COL21A1: variants seen among roughly 807,000 people sequenced by gnomAD.
The protein encoded by COL21A1 is collagen type XXI alpha 1 chain, also known as collagen alpha-1(XXI) chain.
A neutral mutation model predicts 137.9 loss-of-function variants in COL21A1; 149 were observed. That is an observed-to-expected ratio of 1.08 (90% CI 0.95 to 1.24). COL21A1 has a LOEUF of 1.24. Ranked by LOEUF, COL21A1 falls within the 50% of genes most tolerant of loss-of-function variation. COL21A1 has a pLI of 0.00. For missense variants in COL21A1, 1,167 were observed against 1,158.4 expected (o/e 1.01, Z -0.11); for synonymous variants, 456 against 391.5 (o/e 1.16, Z -1.95).
At chr6:56,258,550 G>A (rs1029073707) in intron 1 of COL21A1, among the ~76,000 whole-genome samples, 6 of 152,112 alleles carry the variant, frequency 3.9e-5, no homozygotes, top group Non-Finnish European at 8.8e-5. Flanking sequence ...ACAAGATAAA[G>A]ATGCTGTCTG....
At chr6:56,149,015 A>G (rs73745591) in intron 10 of COL21A1, among the ~76,000 whole-genome samples, 2,608 of 152,308 alleles carry the variant, frequency 0.017, 70 homozygotes, top group African/African-American at 0.06. Flanking sequence ...CTATGCCAAA[A>G]AATTGCATCA....
chr6:56,216,217 C>T (rs867004162), intron 1 of COL21A1, among the ~76,000 whole-genome samples: 26 of 152,184 alleles, frequency 1.7e-4, no homozygotes, highest in Middle Eastern at 6.8e-3. Context: ...TTGTCCACTG[C>T]GATATGGGAC....
chr6:56,238,787 A>G (rs1582711388), intron 1 of COL21A1, among the ~76,000 whole-genome samples: 1 of 152,296 alleles, frequency 6.6e-6, no homozygotes, highest in East Asian at 1.9e-4. Flanking sequence ...ATTCTCACCT[A>G]AAGAAGCAAC....
intron 9 of COL21A1, among the ~76,000 whole-genome samples, chr6:56,157,817 C>T (rs1775871618): frequency 6.6e-6 from 1 of 152,204 alleles, no homozygotes; most frequent in Non-Finnish European, 1.5e-5. Context: ...CATAATATTA[C>T]TATGAGAGCA....
intron 1 of COL21A1, among the ~76,000 whole-genome samples, chr6:56,215,200 C>T (rs898824559): frequency 1.3e-5 from 2 of 152,020 alleles, no homozygotes; most frequent in African/African-American, 2.4e-5. Flanking sequence ...CATTTGATTC[C>T]GTCCATTTTC....
intron 1 of COL21A1, among the ~76,000 whole-genome samples, chr6:56,212,218 T>C (rs1780215276): frequency 6.6e-6 from 1 of 152,090 alleles, no homozygotes; most frequent in Non-Finnish European, 1.5e-5. Flanking sequence ...TACTCTCTAA[T>C]TAGGTTCATT....
intron 26 of COL21A1, 32 bp from the exon 27 acceptor site, chr6:56,060,827 A>G: frequency 6.3e-7 from 1 of 1,587,670 alleles, no homozygotes; most frequent in Non-Finnish European, 8.5e-7. Flanking sequence ...TATAACATGC[A>G]CATAAAGAAC....
At chr6:56,076,891 A>T (rs1767288684) in intron 18 of COL21A1, among the ~76,000 whole-genome samples, 1 of 151,514 alleles carries the variant, frequency 6.6e-6, no homozygotes, top group Admixed American at 6.6e-5. Flanking sequence ...AATTCCCAGC[A>T]AGATGAATAA....
chr6:56,117,965 A>G (rs891784656), intron 16 of COL21A1, among the ~76,000 whole-genome samples: 2 of 151,896 alleles, frequency 1.3e-5, no homozygotes, highest in African/African-American at 4.8e-5. Context: ...AGCTCTAAGT[A>G]TCTACATCAA....
intron 1 of COL21A1, among the ~76,000 whole-genome samples, chr6:56,183,647 T>C (rs1454378483): frequency 2.0e-5 from 3 of 152,144 alleles, no homozygotes; most frequent in African/African-American, 4.8e-5. Context: ...TCCTCAAATA[T>C]AAAACAGTGG....
At chr6:56,318,079 A>T (rs1405698537) in intron 1 of COL21A1, among the ~76,000 whole-genome samples, 1 of 152,238 alleles carries the variant, frequency 6.6e-6, no homozygotes, top group Non-Finnish European at 1.5e-5. Flanking sequence ...ATTGTACATT[A>T]TAATGACCAC....
At chr6:56,060,409 G>C (rs1174801976) in intron 27 of COL21A1, 191 bp from the exon 28 acceptor site, 1 of 552,042 alleles carries the variant, frequency 1.8e-6, no homozygotes, top group East Asian at 3.4e-5. Flanking sequence ...AATTTTATTA[G>C]AGCAATTGCT....
chr6:56,142,953 C>T (rs1774530421), intron 10 of COL21A1, among the ~76,000 whole-genome samples: 1 of 152,104 alleles, frequency 6.6e-6, no homozygotes, highest in African/African-American at 2.4e-5. Context: ...CTGCACTGGT[C>T]TTCATATTCA....
intron 1 of COL21A1, among the ~76,000 whole-genome samples, chr6:56,309,592 A>AG (rs1224648497): frequency 6.6e-6 from 1 of 152,088 alleles, no homozygotes; most frequent in South Asian, 2.1e-4. Flanking sequence ...AGGTACTCCC[A>AG]GGGGGGCAGT....
intron 1 of COL21A1, among the ~76,000 whole-genome samples, chr6:56,380,134 C>CGA (rs2094006427): frequency 6.6e-6 from 1 of 152,124 alleles, no homozygotes; most frequent in African/African-American, 2.4e-5. Flanking sequence ...CTAGTTTACA[C>CGA]GAGAGCTGGT....
intron 1 of COL21A1, among the ~76,000 whole-genome samples, chr6:56,290,498 G>GTTGTTTTT (rs371058894): frequency 3.0e-5 from 4 of 132,960 alleles, no homozygotes; most frequent in Non-Finnish European, 6.2e-5. Context: ...TCACTTAGGA[G>GTTGTTTTT]ATTTTTTTTT....
At chr6:56,244,085 G>T (rs1327072673) in intron 1 of COL21A1, among the ~76,000 whole-genome samples, 1 of 152,042 alleles carries the variant, frequency 6.6e-6, no homozygotes, top group Non-Finnish European at 1.5e-5. Context: ...ATCCACTATG[G>T]AACAAAGAGG....
At position 56,069,127 on chromosome 6, in the gene COL21A1, A is replaced by C; in HGVS notation, c.2020-10T>G. On this transcript the variant is annotated splice_polypyrimidine_tract_variant and intron_variant, in intron 21 of 29. Transcript: ENST00000244728. The stretch of plus-strand genomic sequence containing the variant: ...TTGCTCCTGGTTCTCCCTATGTAAC[A>C]CAGAAATTCCAGAAAGATCACAGAT... 7 of 1,583,354 alleles carry C rather than the reference A, an allele frequency of 4.4e-6. No homozygotes were observed. Among genetic ancestry groups the C allele is most frequent in the Non-Finnish European group, 6.0e-6 (7 of 1,162,654 alleles).
At chr6:56,212,434 T>C (rs1014034160) in intron 1 of COL21A1, among the ~76,000 whole-genome samples, 4 of 152,222 alleles carry the variant, frequency 2.6e-5, no homozygotes, top group Admixed American at 2.6e-4. Context: ...AAAATACCTA[T>C]TCCTACTCCG....
Sources: allele counts gnomAD v4.1 joint callset (sites outside exome capture counted in the v4.1 genomes callset), GRCh38; gene constraint gnomAD v4.1.1; transcripts MANE v1.5; gene names NCBI Gene and HGNC (gene_info 2026-07-23, HGNC 2026-07-21).